Variants in TENM3 observed in about 807,000 individuals in gnomAD.
The protein encoded by TENM3 is teneurin-3.
TENM3 carries 63 observed loss-of-function variants against 255.1 expected under a neutral mutation model. The ratio of observed to expected loss-of-function variants is 0.25; its 90% CI spans 0.20 to 0.30. The LOEUF is 0.30. Among genes scored for constraint, TENM3 ranks in the 10% least tolerant of loss-of-function variants. The pLI, the probability that TENM3 is intolerant of heterozygous loss-of-function variation, is 1.00. For missense variants in TENM3, 2,929 were observed against 3,461.1 expected, an observed-to-expected ratio of 0.85 and a Z score of 3.86; for synonymous variants, 1,306 against 1,322.3, an observed-to-expected ratio of 0.99 and a Z score of 0.27.
chr4:182,036,365 A>G, the TENM3 span, among the ~76,000 whole-genome samples: 1 of 152,006 alleles, frequency 6.6e-6, no homozygotes, highest in Non-Finnish European at 1.5e-5. Context: ...TAATTTTTGT[A>G]TTTTTAGTAG....
chr4:181,516,363 AT>A, the TENM3 span, among the ~76,000 whole-genome samples: 1 of 94,350 alleles, frequency 1.1e-5, no homozygotes, highest in African/African-American at 3.9e-5. Flanking sequence ...AAAATAAAAA[AT>A]ATTTAAAAAA....
chr4:181,618,233 C>G, the TENM3 span, among the ~76,000 whole-genome samples: 1 of 152,128 alleles, frequency 6.6e-6, no homozygotes, highest in South Asian at 2.1e-4. Flanking sequence ...TTATCAACAT[C>G]GATGACTTAC....
At chr4:182,225,722 G>T (rs1756107058) in intron 1 of TENM3, among the ~76,000 whole-genome samples, 1 of 152,186 alleles carries the variant, frequency 6.6e-6, no homozygotes, top group South Asian at 2.1e-4. Context: ...AATCAAGGAA[G>T]AGTTGCTTGG....
the TENM3 span, among the ~76,000 whole-genome samples, chr4:181,838,069 C>T: frequency 1.3e-5 from 2 of 151,254 alleles, no homozygotes; most frequent in Non-Finnish European, 1.5e-5. Flanking sequence ...ACCCAGGAGG[C>T]GGAGCTTGCA....
chr4:181,709,037 A>G, the TENM3 span, among the ~76,000 whole-genome samples: 1 of 152,258 alleles, frequency 6.6e-6, no homozygotes, highest in East Asian at 1.9e-4. Flanking sequence ...TATAAAAACC[A>G]CTAAGTCTGT....
intron 24 of TENM3, among the ~76,000 whole-genome samples, chr4:182,778,773 TAAAG>T (rs1435964252): frequency 6.6e-6 from 1 of 152,132 alleles, no homozygotes; most frequent in African/African-American, 2.4e-5. Context: ...CATGCTTACT[TAAAG>T]GAAGTATACA....
At chr4:181,629,120 G>T in the TENM3 span, among the ~76,000 whole-genome samples, 1 of 152,300 alleles carries the variant, frequency 6.6e-6, no homozygotes, top group Admixed American at 6.5e-5. Flanking sequence ...GTTCACTCAT[G>T]ATTTGGCTCT....
At chr4:181,581,284 T>C in the TENM3 span, among the ~76,000 whole-genome samples, 2 of 151,702 alleles carry the variant, frequency 1.3e-5, no homozygotes, top group East Asian at 1.9e-4. Context: ...CTGTGAAAAA[T>C]ACAGAAATTA....
the TENM3 span, among the ~76,000 whole-genome samples, chr4:181,953,095 G>A: frequency 6.6e-6 from 1 of 152,080 alleles, no homozygotes; most frequent in Non-Finnish European, 1.5e-5. Flanking sequence ...AAGTGTAAGG[G>A]GTGACATCAC....
chr4:182,212,231 G>C (rs1279000987), intron 1 of TENM3, among the ~76,000 whole-genome samples: 1 of 152,216 alleles, frequency 6.6e-6, no homozygotes, highest in African/African-American at 2.4e-5. Context: ...GGCTCCCTGG[G>C]AGCTTGCTGT....
chr4:181,535,219 C>T, the TENM3 span, among the ~76,000 whole-genome samples: 8 of 152,144 alleles, frequency 5.3e-5, no homozygotes, highest in Non-Finnish European at 7.4e-5. Context: ...TGAGGCTTCC[C>T]GACCCACCAG....
At chr4:181,849,338 C>T in the TENM3 span, among the ~76,000 whole-genome samples, 1 of 152,234 alleles carries the variant, frequency 6.6e-6, no homozygotes, top group South Asian at 2.1e-4. Context: ...CTGTTAATTT[C>T]ATTTGTAAAT....
At chr4:181,725,008 ACT>A in the TENM3 span, among the ~76,000 whole-genome samples, 3 of 152,040 alleles carry the variant, frequency 2.0e-5, no homozygotes, top group Admixed American at 6.6e-5. Flanking sequence ...AGGTAACTGT[ACT>A]CTCTACTGTG....
the TENM3 span, among the ~76,000 whole-genome samples, chr4:181,922,461 G>C: frequency 1.3e-5 from 2 of 152,116 alleles, no homozygotes; most frequent in African/African-American, 4.8e-5. Context: ...GTTTAGTCTT[G>C]GGAGGGTGTA....
At chr4:181,662,848 A>G in the TENM3 span, among the ~76,000 whole-genome samples, 1 of 152,158 alleles carries the variant, frequency 6.6e-6, no homozygotes, top group Admixed American at 6.6e-5. Flanking sequence ...ATTTTTTATT[A>G]ACACAGATAG....
the TENM3 span, among the ~76,000 whole-genome samples, chr4:181,893,611 T>C: frequency 6.6e-6 from 1 of 151,760 alleles, no homozygotes; most frequent in Non-Finnish European, 1.5e-5. Flanking sequence ...AATGTAAAAT[T>C]CATTGACATT....
At chr4:181,964,441 T>C in the TENM3 span, among the ~76,000 whole-genome samples, 51 of 152,310 alleles carry the variant, frequency 3.3e-4, no homozygotes, top group African/African-American at 1.2e-3. Context: ...CACGTTCTGT[T>C]TGAAGAAAAG....
At chr4:182,043,568 A>T in the TENM3 span, among the ~76,000 whole-genome samples, 1 of 152,192 alleles carries the variant, frequency 6.6e-6, no homozygotes, top group South Asian at 2.1e-4. Context: ...GAATCATTAC[A>T]CAAGCATACA....
chr4:182,057,906 G>C, the TENM3 span, among the ~76,000 whole-genome samples: 15 of 152,112 alleles, frequency 9.9e-5, 1 homozygote, highest in South Asian at 3.1e-3. Context: ...CCAAATAAAG[G>C]CCTCAAGTGT....
Sources: gnomAD v4.1 joint callset for allele counts (sites outside exome capture counted in the v4.1 genomes callset) on GRCh38, gnomAD v4.1.1 for gene constraint, MANE v1.5 for transcripts, NCBI Gene and HGNC (gene_info 2026-07-23, HGNC 2026-07-21) for gene names.